Variants in ZP4 observed in about 807,000 individuals in gnomAD.
The protein encoded by ZP4 is zona pellucida sperm-binding protein 4.
A neutral mutation model predicts 62.3 loss-of-function variants in ZP4; 62 were observed. That is an observed-to-expected ratio of 0.99 (90% CI 0.81 to 1.23). The LOEUF (loss-of-function observed/expected upper bound fraction) is 1.23, where lower values mean the gene tolerates loss of function less well. Among genes scored for constraint, ZP4 ranks in the 50% most tolerant of loss-of-function variants. ZP4 has a pLI of 0.00. For synonymous variants in ZP4, 289 were observed against 247.3 expected (o/e 1.17, Z -1.58); for missense variants, 774 against 656.0 (o/e 1.18, Z -1.97).
At chr1:237,884,067 C>CACACAA (rs1438288878) in intron 10 of ZP4, among the ~76,000 whole-genome samples, 135 of 131,648 alleles carry the variant, frequency 1.0e-3, no homozygotes, top group African/African-American at 4.3e-3. Context: ...CACACAAACA[C>CACACAA]ACACAAACAC....
chr1:237,890,276 T>C (rs2103021475), intron 1 of ZP4, 100 bp from the exon 2 acceptor site: 2 of 1,575,882 alleles, frequency 1.3e-6, no homozygotes, highest in South Asian at 2.3e-5. Context: ...CAACTGTCAA[T>C]AAGAGGAACA....
Position 237,885,589 on chromosome 1 carries a change from G to T in ZP4, c.971-9C>A. Reference sequence around the variant, plus strand: ...AGAGCCATAGTTTTTATCTGCAAGAGGCAGAAATAAGGATTTGAAGTAGTA... The same window carrying T: ...AGAGCCATAGTTTTTATCTGCAAGATGCAGAAATAAGGATTTGAAGTAGTA... On this transcript the variant is annotated splice_polypyrimidine_tract_variant and intron_variant, in intron 7 of 11. Coordinates refer to ENST00000366570, the MANE Select transcript of ZP4 (RefSeq NM_021186.5). The T allele has an allele frequency of 1.2e-6, 2 of 1,611,878 alleles. No homozygotes were observed. The highest frequency in any genetic ancestry group is 1.7e-6 in the Non-Finnish European group (2 of 1,178,990).
Position 237,884,043 on chromosome 1 carries a change from A to C in ZP4, c.1390+726T>G, listed in dbSNP as rs112359983. ...ACACACACACACACAAACACACACA[A>C]ACACACACAAACACACACAAACACA... On this transcript the variant is annotated intron_variant, in intron 10 of 11. Coordinates refer to ENST00000366570, the MANE Select transcript of ZP4 (RefSeq NM_021186.5). 5.9e-3 allele frequency among the ~76,000 whole-genome samples: 618 copies of C among 104,718 alleles called. 8 individuals carry two copies. The highest frequency in any genetic ancestry group is 0.021 in the African/African-American group (372 of 18,014). 68.7% of individuals were successfully genotyped at this position (104,718 alleles called of 152,430 possible).
At chr1:237,887,647 T>C in intron 4 of ZP4, 86 bp from the exon 5 acceptor site, 1 of 1,395,916 alleles carries the variant, frequency 7.2e-7, no homozygotes, top group Non-Finnish European at 9.7e-7. Flanking sequence ...TAGTTACTTT[T>C]AATCCCACTG....
chr1:237,886,924 C>A, intron 5 of ZP4, 56 bp from the exon 6 acceptor site: 2 of 1,485,676 alleles, frequency 1.3e-6, no homozygotes, highest in Admixed American at 1.7e-5. Flanking sequence ...TGCTGCTTGA[C>A]TTGCATCTGG....
intron 9 of ZP4, 35 bp from the exon 10 acceptor site, chr1:237,884,882 T>C: frequency 6.2e-7 from 1 of 1,601,264 alleles, no homozygotes; most frequent in Middle Eastern, 1.7e-4. Context: ...ATTTGTAGTA[T>C]CACCATGCCA....
rs1358342709 is a variant in ZP4, at chr1:237,890,182, G to A, written c.176-6C>T. On this transcript the variant is annotated splice_polypyrimidine_tract_variant and splice_region_variant and intron_variant, in intron 1 of 11. Coordinates refer to ENST00000366570, the MANE Select transcript of ZP4 (RefSeq NM_021186.5). ...GTGCAGCAGCCCTTGGTTGTCTGGA[G>A]GGGTGGGGAAGAGGTGAGAAAACAC... 4.3e-6 allele frequency: 7 copies of A among 1,613,772 alleles called. No homozygotes were observed. The highest frequency in any genetic ancestry group is 2.2e-5 in the East Asian group (1 of 44,856).
In ZP4 at chr1:237,887,520, C is replaced by T; in HGVS notation, c.595G>A (p.Val199Met). Residue 199 changes from valine (V) to methionine (M), a missense_variant, in exon 5 of 12, where the codon GTG (valine) becomes ATG (methionine). By Grantham distance (21) the Val-to-Met change is conservative (BLOSUM62 1). Transcript: ENST00000366570. ...CTREGHFSIAVSRNVTSPPLL... is the reference protein window; with the variant it reads ...CTREGHFSIAMSRNVTSPPLL... ...GGTGGCGAGGTCACGTTCCGAGACA[C>T]AGCAATAGAGAAATGGCCCTCTCGG... 1.2e-6 allele frequency: 2 copies of T among 1,614,200 alleles called. No homozygotes were observed. Among genetic ancestry groups the T allele is most frequent in the East Asian group, 2.2e-5 (1 of 44,874 alleles).
At position 237,890,921 on chromosome 1, in the gene ZP4, C is replaced by A. The variant is rs532404598; in HGVS notation, c.-286G>T. 8.8e-5 allele frequency: 28 copies of A among 318,810 alleles called. No individual in the cohort carries two copies. The highest frequency in any genetic ancestry group is 5.4e-4 in the African/African-American group (25 of 46,548). The allele number at this position is 318,810 out of a possible 1,614,324, so 19.7% of individuals were successfully genotyped here. The stretch of plus-strand genomic sequence containing the variant: ...GCTAACAGAAAGGAAGGAAAGAAAG[C>A]TTCCTCAGGGTTGCTCAACATAGCA... On this transcript the variant is annotated 5_prime_UTR_variant, in exon 1 of 12. Transcript: ENST00000366570.
rs767866795 is a variant in ZP4 at position 237,885,398 on chromosome 1, C to G, written c.1153G>C (p.Val385Leu). ...TATGAAAGAACCACTTACCCCTTTA[C>G]CAGGATGGGCCACTGTGGCTGACTC... ...PLSQPQWPIL[V>L]KGCPYIGDNY... Residue 385 changes from valine to leucine, a missense_variant, in exon 8 of 12, where the codon GTA (valine) becomes CTA (leucine). By Grantham distance (32) the Val-to-Leu change is conservative. Transcript: ENST00000366570. 10 of 1,610,840 alleles carry G rather than the reference C, an allele frequency of 6.2e-6. No individual in the cohort carries two copies. Among genetic ancestry groups the G allele is most frequent in the Non-Finnish European group, 8.5e-6 (10 of 1,178,388 alleles).
At chr1:237,888,944 C>T (rs1665172919) in intron 3 of ZP4, among the ~76,000 whole-genome samples, 1 of 152,090 alleles carries the variant, frequency 6.6e-6, no homozygotes, top group African/African-American at 2.4e-5. Flanking sequence ...CCCATCCTGG[C>T]TATGTATTGG....
chr1:237,890,587 C>T lies in ZP4; in HGVS notation c.49G>A (p.Val17Met). 1 of 1,614,090 alleles carries T rather than the reference C, an allele frequency of 6.2e-7. No individual in the cohort carries two copies. Among genetic ancestry groups the T allele is most frequent in the Non-Finnish European group, 8.5e-7 (1 of 1,179,986 alleles). The change falls in exon 1 of 12, where the codon GTG (valine) becomes ATG (methionine). Residue 17 changes from valine to methionine, a missense_variant. Transcript: ENST00000366570. Reference sequence around the variant, plus strand: ...GCCTCAGGCTTATGCTGGCCACTCACAGCAAGAGATAATGAAACACACAGC... The same window carrying T: ...GCCTCAGGCTTATGCTGGCCACTCATAGCAAGAGATAATGAAACACACAGC... ...VLLCVSLSLA[V>M]SGQHKPEAPD...
intron 10 of ZP4, among the ~76,000 whole-genome samples, chr1:237,884,001 C>CACACAA (rs1558530885): frequency 7.8e-4 from 67 of 85,406 alleles, no homozygotes; most frequent in Admixed American, 9.7e-4. Flanking sequence ...CACACACACA[C>CACACAA]ACACACACAC....
chr1:237,883,961 C>A (rs954568481), intron 10 of ZP4, among the ~76,000 whole-genome samples: 4 of 79,630 alleles, frequency 5.0e-5, no homozygotes, highest in Admixed American at 1.3e-4. Flanking sequence ...ACTGGTCACA[C>A]ACACAAACAC....
At position 237,890,798 on chromosome 1, in the gene ZP4, T is replaced by G; in HGVS notation, c.-163A>C. 1 of 699,688 alleles carries G rather than the reference T, an allele frequency of 1.4e-6. No homozygotes were observed. Among genetic ancestry groups the G allele is most frequent in the Non-Finnish European group, 2.3e-6 (1 of 437,214 alleles). The allele number at this position is 699,688 out of a possible 1,614,324, so 43.3% of individuals were successfully genotyped here. A position where few individuals can be genotyped will look rare whatever the true frequency, so the allele number is the denominator to read the frequency against. ...ATGCCTTCAGAAAGGGGAATTCCTC[T>G]AGCCTCATTTGCTTTGGGGCACAGT... On this transcript the variant is annotated 5_prime_UTR_variant, in exon 1 of 12. Transcript: ENST00000366570.
At chr1:237,882,988 T>A in intron 10 of ZP4, 142 bp from the exon 11 acceptor site, 2 of 574,008 alleles carry the variant, frequency 3.5e-6, no homozygotes, top group Non-Finnish European at 6.0e-6. Flanking sequence ...TATTAATATG[T>A]ACTTGAACAA....
At position 237,889,932 on chromosome 1, in the gene ZP4, G is replaced by A. The variant is rs1365186630; in HGVS notation, c.335C>T (p.Ala112Val). The A allele has an allele frequency of 6.2e-7, 1 of 1,613,926 alleles. No individual in the cohort carries two copies. Among genetic ancestry groups the A allele is most frequent in the South Asian group, 1.1e-5 (1 of 91,074 alleles). The change falls in exon 3 of 12, where the codon GCA becomes GTA. Residue 112 changes from alanine (A) to valine (V), a missense_variant. Physicochemically the swap from Ala to Val is moderately conservative, Grantham distance 64 (BLOSUM62 0). Transcript: ENST00000366570. ...AACCACCTTGTGTTCAGCCGCGCCT[G>A]CTCCTTCAACTCCAACTGGCATGAT... ...HYIMPVGVEG[A>V]GAAEHKVVTE...
chr1:237,886,250 G>C (rs532368513), intron 6 of ZP4, among the ~76,000 whole-genome samples: 2 of 152,280 alleles, frequency 1.3e-5, no homozygotes, highest in African/African-American at 4.8e-5. Flanking sequence ...AGTGCTTGAG[G>C]CCCTTTGAGA....
At chr1:237,883,983 AACACACACACACACACAC>A (rs1173733667) in intron 10 of ZP4, among the ~76,000 whole-genome samples, 3 of 42,402 alleles carry the variant, frequency 7.1e-5, no homozygotes, top group Non-Finnish European at 1.4e-4. Context: ...CACACACACA[AACACACACACACACACAC>A]ACACACACAC....
Sources: allele counts gnomAD v4.1 joint callset (sites outside exome capture counted in the v4.1 genomes callset), GRCh38; gene constraint gnomAD v4.1.1; transcripts MANE v1.5; gene names NCBI Gene and HGNC (gene_info 2026-07-23, HGNC 2026-07-21).